GPHN: variants seen among roughly 807,000 people sequenced by gnomAD.
GPHN encodes gephyrin.
A neutral mutation model predicts 95.5 loss-of-function variants in GPHN; 17 were observed. That is an observed-to-expected ratio of 0.18 (90% confidence interval 0.12 to 0.27). GPHN has a LOEUF of 0.27. Ranked by LOEUF, GPHN falls within the 10% of genes least tolerant of loss-of-function variation. The probability of loss-of-function intolerance (pLI) is 1.00; values close to 1 mark genes in which losing one functional copy is unlikely to be tolerated. For missense variants in GPHN, 660 were observed against 978.1 expected, an observed-to-expected ratio of 0.67 and a Z score of 4.34; for synonymous variants, 320 against 322.5, an observed-to-expected ratio of 0.99 and a Z score of 0.08.
the GPHN span, among the ~76,000 whole-genome samples, chr14:67,537,380 A>ATT: frequency 3.3e-4 from 32 of 96,632 alleles, no homozygotes; most frequent in Admixed American, 2.3e-3. Flanking sequence ...TAATAATAAT[A>ATT]AAAACTTAAT....
At chr14:67,673,241 G>A in the GPHN span, among the ~76,000 whole-genome samples, 1 of 152,162 alleles carries the variant, frequency 6.6e-6, no homozygotes, top group African/African-American at 2.4e-5. Flanking sequence ...TTACTCCAGA[G>A]GCTGAGGCAG....
chr14:66,673,487 T>A (rs893439167), intron 1 of GPHN, among the ~76,000 whole-genome samples: 1 of 152,198 alleles, frequency 6.6e-6, no homozygotes, highest in African/African-American at 2.4e-5. Flanking sequence ...TGTGAGAAAA[T>A]AATCCTAATT....
the GPHN span, among the ~76,000 whole-genome samples, chr14:67,670,815 C>T: frequency 0.028 from 4,284 of 152,202 alleles, 218 homozygotes; most frequent in African/African-American, 0.098. Flanking sequence ...CATGAGCCAC[C>T]GTGCCCGGCC....
chr14:67,646,982 A>T, the GPHN span: 1 of 1,613,208 alleles, frequency 6.2e-7, no homozygotes, highest in South Asian at 1.1e-5. Context: ...TCGACTTGGT[A>T]TCCAGAAGGT....
the GPHN span, among the ~76,000 whole-genome samples, chr14:67,713,657 C>T: frequency 6.6e-6 from 1 of 152,150 alleles, no homozygotes; most frequent in Non-Finnish European, 1.5e-5. Flanking sequence ...TGAGACAGGT[C>T]TCAGTTAATT....
chr14:67,279,911 A>ACTATTTGTT, the GPHN span: 1 of 190,160 alleles, frequency 5.3e-6, no homozygotes, highest in Non-Finnish European at 1.1e-5. Flanking sequence ...TAAAATAGTA[A>ACTATTTGTT]TAAATTTGTA....
rs578140411 is a variant in GPHN at position 66,953,432 on chromosome 14, C to G, written c.829-11759C>G. On this transcript the variant is annotated intron_variant, in intron 8 of 22. Transcript: ENST00000478722. Reference sequence around the variant, plus strand: ...TGAAGATTTACCTTTATGTTTTCTTCTTAGAATTTGATAGTTGAGCTCTTA... The same window carrying G: ...TGAAGATTTACCTTTATGTTTTCTTGTTAGAATTTGATAGTTGAGCTCTTA... Among the ~76,000 whole-genome samples the G allele has an allele frequency of 3.3e-5, 5 of 152,134 alleles. 2 individuals carry two copies. Among genetic ancestry groups the G allele is most frequent in the African/African-American group, 1.2e-4 (5 of 41,494 alleles).
At chr14:67,364,565 G>C in the GPHN span, 1 of 505,648 alleles carries the variant, frequency 2.0e-6, no homozygotes, top group Non-Finnish European at 3.4e-6. Context: ...CAAAAATGTT[G>C]AGCAAAATAA....
rs118082275 is a variant in GPHN at position 66,579,450 on chromosome 14, T to C, written c.64+70859T>C. Among the ~76,000 whole-genome samples the C allele has an allele frequency of 1.6e-3, 234 of 150,268 alleles. 6 individuals are homozygous for C. The East Asian group carries it at 0.042, about 27-fold the overall frequency. On this transcript the variant is annotated intron_variant, in intron 1 of 22. Coordinates refer to ENST00000478722, the MANE Select transcript of GPHN (RefSeq NM_020806.5). ...AAAAAAAAAAGTCCAAACTATATGC[T>C]GTTAATAAGAGACTCATTTCATCTT... is the stretch of plus-strand genomic sequence containing the variant.
At chr14:66,653,243 G>A (rs1010468042) in intron 1 of GPHN, among the ~76,000 whole-genome samples, 5 of 152,146 alleles carry the variant, frequency 3.3e-5, no homozygotes, top group African/African-American at 1.2e-4. Context: ...TGGGTTCAGT[G>A]AAGTGGGAGA....
chr14:67,659,898 G>A, the GPHN span: 4 of 1,613,640 alleles, frequency 2.5e-6, no homozygotes, highest in Middle Eastern at 1.6e-4. Context: ...GGTGCATAAC[G>A]TAGCTCCTCC....
At chr14:66,554,062 C>G (rs1383522910) in intron 1 of GPHN, among the ~76,000 whole-genome samples, 1 of 152,088 alleles carries the variant, frequency 6.6e-6, no homozygotes, top group Admixed American at 6.5e-5. Flanking sequence ...ATTCTAGATA[C>G]AATTTAATAT....
the GPHN span, chr14:67,352,949 G>T: frequency 1.2e-6 from 2 of 1,611,856 alleles, no homozygotes; most frequent in Admixed American, 3.3e-5. Context: ...AGGATCTGTC[G>T]AAATCGAAGA....
At chr14:67,707,964 C>T in the GPHN span, among the ~76,000 whole-genome samples, 1 of 152,194 alleles carries the variant, frequency 6.6e-6, no homozygotes, top group Non-Finnish European at 1.5e-5. Flanking sequence ...AGGGAAAGCA[C>T]ACCATTCCAG....
chr14:67,265,384 C>CT, the GPHN span, among the ~76,000 whole-genome samples: 2 of 151,874 alleles, frequency 1.3e-5, no homozygotes, highest in Admixed American at 6.6e-5. Flanking sequence ...TACTGAGACT[C>CT]TGTCTCTAAG....
chr14:66,518,347 C>T (rs758763272), intron 1 of GPHN, among the ~76,000 whole-genome samples: 5 of 151,900 alleles, frequency 3.3e-5, no homozygotes, highest in Non-Finnish European at 7.4e-5. Context: ...ACAAATGCTG[C>T]CAAGGATGTA....
At position 66,924,283 on chromosome 14, in the gene GPHN, A is replaced by G. The variant is rs1388643795; in HGVS notation, c.819A>G (p.Thr273=). The change falls in exon 8 of 23, where the codon ACA becomes ACG. Residue 273 remains threonine, a synonymous_variant. Coordinates refer to ENST00000478722, the MANE Select transcript of GPHN (RefSeq NM_020806.5). ...TCATCAATTATTCCCATCATTCAAC[A>G]GATGAACGGGTAAGACAAGAGGCTT... The part of the protein sequence containing the change: ...PGLINYSHHS[T]DERIPDSIIS... The G allele has an allele frequency of 6.3e-7, 1 of 1,587,784 alleles. No homozygotes were observed. Among genetic ancestry groups the G allele is most frequent in the Admixed American group, 1.7e-5 (1 of 59,940 alleles).
intron 9 of GPHN, among the ~76,000 whole-genome samples, chr14:67,023,332 GT>G (rs1742259521): frequency 6.6e-6 from 1 of 151,800 alleles, no homozygotes; most frequent in South Asian, 2.1e-4. Context: ...TAAATATACA[GT>G]AACAAATTTC....
chr14:66,777,239 C>G (rs1595872381), intron 3 of GPHN, among the ~76,000 whole-genome samples: 1 of 152,226 alleles, frequency 6.6e-6, no homozygotes, highest in South Asian at 2.1e-4. Context: ...TGGATAAATT[C>G]CTCGACAAAT....
Sources: allele counts gnomAD v4.1 joint callset (sites outside exome capture counted in the v4.1 genomes callset), GRCh38; gene constraint gnomAD v4.1.1; transcripts MANE v1.5; gene names NCBI Gene and HGNC (gene_info 2026-07-23, HGNC 2026-07-21).